Variants in HDAC4 observed in about 807,000 individuals in gnomAD.
HDAC4 encodes the protein histone deacetylase 4.
A neutral mutation model predicts 135.1 loss-of-function variants in HDAC4; 16 were observed. The observed-to-expected ratio is 0.12, with a 90% CI of 0.08 to 0.18. The LOEUF is 0.18. HDAC4 is among the 10% of genes least tolerant of loss of function. The pLI is 1.00. For missense variants in HDAC4, 1,143 were observed against 1,511.8 expected, an observed-to-expected ratio of 0.76 and a Z score of 4.05; for synonymous variants, 685 against 653.4, an observed-to-expected ratio of 1.05 and a Z score of -0.74.
intron 12 of HDAC4, among the ~76,000 whole-genome samples, chr2:239,116,306 G>C (rs2039128265): frequency 6.6e-6 from 1 of 152,186 alleles, no homozygotes; most frequent in Non-Finnish European, 1.5e-5. Context: ...CCCCAGCACA[G>C]CAGGTCCAAT....
intron 3 of HDAC4, among the ~76,000 whole-genome samples, chr2:239,235,228 C>T (rs2047817575): frequency 6.6e-6 from 1 of 152,174 alleles, no homozygotes; most frequent in Non-Finnish European, 1.5e-5. Flanking sequence ...CCGTACCCCA[C>T]AGACACAGAG....
At chr2:239,355,510 C>A (rs562843647) in intron 1 of HDAC4, among the ~76,000 whole-genome samples, 1 of 152,214 alleles carries the variant, frequency 6.6e-6, no homozygotes, top group Non-Finnish European at 1.5e-5. Flanking sequence ...TCTTCTCACT[C>A]GGCCTAGTCC....
chr2:239,238,835 C>T (rs192036247), intron 2 of HDAC4, among the ~76,000 whole-genome samples: 7 of 152,328 alleles, frequency 4.6e-5, no homozygotes, highest in East Asian at 3.9e-4. Context: ...AAGCATCACT[C>T]GTGTGTTTCA....
intron 2 of HDAC4, among the ~76,000 whole-genome samples, chr2:239,316,019 T>C (rs1280585635): frequency 2.6e-5 from 4 of 152,168 alleles, no homozygotes; most frequent in Non-Finnish European, 5.9e-5. Context: ...CTTCCATCAG[T>C]AGAACTCTTA....
intron 3 of HDAC4, among the ~76,000 whole-genome samples, chr2:239,214,002 C>T (rs1364853948): frequency 3.3e-5 from 5 of 152,246 alleles, no homozygotes; most frequent in East Asian, 3.8e-4. Context: ...GTCTGGCTGA[C>T]ATAAAGTTGA....
intron 24 of HDAC4, 143 bp from the exon 25 acceptor site, chr2:239,054,976 T>C: frequency 1.5e-6 from 1 of 682,700 alleles, no homozygotes. Context: ...AAAATAACTT[T>C]AAAAAGCCAA....
At chr2:239,063,426 G>C (rs1196667299) in intron 24 of HDAC4, among the ~76,000 whole-genome samples, 2 of 151,962 alleles carry the variant, frequency 1.3e-5, no homozygotes. Context: ...GGATGGTCTC[G>C]ATCTCCTGAC....
chr2:239,070,135 C>T (rs1051008978), intron 22 of HDAC4, among the ~76,000 whole-genome samples: 1 of 152,232 alleles, frequency 6.6e-6, no homozygotes, highest in African/African-American at 2.4e-5. Flanking sequence ...CACCCACTGC[C>T]CCTAGTGCTG....
intron 11 of HDAC4, among the ~76,000 whole-genome samples, chr2:239,128,653 G>A (rs944907225): frequency 3.9e-5 from 6 of 152,230 alleles, no homozygotes; most frequent in African/African-American, 1.2e-4. Context: ...TTCAGGGGAC[G>A]CAAAGGCTAC....
chr2:239,151,489 G>C (rs1486044131), intron 7 of HDAC4, among the ~76,000 whole-genome samples: 1 of 151,984 alleles, frequency 6.6e-6, no homozygotes, highest in African/African-American at 2.4e-5. Flanking sequence ...CCGTGACCTT[G>C]AGTGACTGGT....
At chr2:239,237,630 GC>G (rs1449526490) in intron 2 of HDAC4, among the ~76,000 whole-genome samples, 9 of 151,328 alleles carry the variant, frequency 5.9e-5, no homozygotes, top group Non-Finnish European at 8.8e-5. Flanking sequence ...TCCTAGCATT[GC>G]CAACCCGTGC....
intron 2 of HDAC4, among the ~76,000 whole-genome samples, chr2:239,282,956 T>TGCAA (rs1259898057): frequency 6.7e-6 from 1 of 150,282 alleles, no homozygotes; most frequent in Non-Finnish European, 1.5e-5. Context: ...CACACCACTC[T>TGCAA]ACAATGTACA....
At chr2:239,330,617 T>C (rs1691506578) in intron 2 of HDAC4, among the ~76,000 whole-genome samples, 1 of 152,220 alleles carries the variant, frequency 6.6e-6, no homozygotes, top group African/African-American at 2.4e-5. Flanking sequence ...CTTCACACTC[T>C]GTTTTCTTAT....
intron 1 of HDAC4, among the ~76,000 whole-genome samples, chr2:239,398,300 G>A (rs1356331501): frequency 6.6e-6 from 1 of 152,178 alleles, no homozygotes; most frequent in African/African-American, 2.4e-5. Context: ...TGTTTCTTCT[G>A]CTCCGGCAAT....
chr2:239,353,050 C>T (rs1398392832), intron 1 of HDAC4, 132 bp from the exon 2 acceptor site: 2 of 326,242 alleles, frequency 6.1e-6, no homozygotes, highest in Admixed American at 3.9e-5. Flanking sequence ...ATCGCCCAGG[C>T]TGGAGTGTGG....
chr2:239,127,985 G>A (rs1168947267), intron 11 of HDAC4, among the ~76,000 whole-genome samples: 2 of 152,308 alleles, frequency 1.3e-5, no homozygotes, highest in East Asian at 1.9e-4. Context: ...GAAATACTAC[G>A]TGATATGCAA....
chr2:239,385,003 A>G (rs1235809256), intron 1 of HDAC4, among the ~76,000 whole-genome samples: 1 of 152,110 alleles, frequency 6.6e-6, no homozygotes, highest in Non-Finnish European at 1.5e-5. Flanking sequence ...AGGAGAACAG[A>G]ACTGCGGACA....
At chr2:239,206,735 G>C (rs566631514) in intron 3 of HDAC4, among the ~76,000 whole-genome samples, 13 of 151,112 alleles carry the variant, frequency 8.6e-5, no homozygotes, top group South Asian at 2.1e-4. Flanking sequence ...GCCAATCACA[G>C]TGTATGAACA....
chr2:239,107,218 T>C (rs1313189013), intron 15 of HDAC4, among the ~76,000 whole-genome samples: 1 of 152,202 alleles, frequency 6.6e-6, no homozygotes, highest in South Asian at 2.1e-4. Context: ...CTCACCAAAG[T>C]GCGGCCCCCG....
Sources: gnomAD v4.1 joint callset for allele counts (sites outside exome capture counted in the v4.1 genomes callset) on GRCh38, gnomAD v4.1.1 for gene constraint, MANE v1.5 for transcripts, NCBI Gene and HGNC (gene_info 2026-07-23, HGNC 2026-07-21) for gene names.